Variants in SETD5 observed in about 807,000 individuals in gnomAD.
SETD5 encodes the protein histone-lysine N-methyltransferase SETD5.
In SETD5, 44 loss-of-function variants were observed where a neutral mutation model predicts 153.3. That is an observed-to-expected ratio of 0.29 (90% CI 0.23 to 0.37). The LOEUF (loss-of-function observed/expected upper bound fraction) is 0.37. Among genes scored for constraint, SETD5 ranks in the 10% least tolerant of loss-of-function variants. The pLI is 1.00. For synonymous variants in SETD5, 716 were observed against 645.2 expected (o/e 1.11, Z -1.66); for missense variants, 1,544 against 1,768.0 (o/e 0.87, Z 2.27).
At chr3:9,458,753 A>G (rs966472226) in intron 17 of SETD5, among the ~76,000 whole-genome samples, 1 of 152,248 alleles carries the variant, frequency 6.6e-6, no homozygotes, top group Admixed American at 6.5e-5. Context: ...GCAATCTGAT[A>G]AAATTTATCA....
chr3:9,450,221 G>A (rs771108329), intron 16 of SETD5, among the ~76,000 whole-genome samples: 4 of 151,906 alleles, frequency 2.6e-5, no homozygotes, highest in Non-Finnish European at 5.9e-5. Flanking sequence ...AAATTTCTAC[G>A]GGCAACAGAT....
In SETD5 at chr3:9,441,598, G is replaced by A; in HGVS notation, c.816G>A (p.Gln272=). ...NTVIGSQMQL[Q]LGRVTRVQKH... is the part of the protein sequence containing the mutation. ...ATTGCTCTGGTTTTATTCAGTTACAGCTGGGAAGAGTCACTCGTGTTCAAA... is the reference window on the plus strand; with the variant it reads ...ATTGCTCTGGTTTTATTCAGTTACAACTGGGAAGAGTCACTCGTGTTCAAA... The change falls in exon 9 of 23, where the codon CAG becomes CAA. Residue 272 remains glutamine (Q), a synonymous_variant. Transcript: ENST00000402198. 6.2e-7 allele frequency: 1 copy of A among 1,613,826 alleles called. No homozygotes were observed. Among genetic ancestry groups the A allele is most frequent in the Non-Finnish European group, 8.5e-7 (1 of 1,179,760 alleles).
At chr3:9,408,071 C>T (rs181901482) in intron 1 of SETD5, among the ~76,000 whole-genome samples, 4 of 152,188 alleles carry the variant, frequency 2.6e-5, no homozygotes, top group Non-Finnish European at 5.9e-5. Context: ...CTGGTTTATA[C>T]CTGCTATCCT....
chr3:9,422,639 A>G (rs538455656), intron 1 of SETD5, among the ~76,000 whole-genome samples: 1 of 152,364 alleles, frequency 6.6e-6, no homozygotes, highest in African/African-American at 2.4e-5. Flanking sequence ...CAGCCTAAGG[A>G]ATTAAAAGAA....
chr3:9,402,504 C>T (rs1181435663), intron 1 of SETD5, among the ~76,000 whole-genome samples: 1 of 152,132 alleles, frequency 6.6e-6, no homozygotes, highest in African/African-American at 2.4e-5. Context: ...TTTTCTGCTT[C>T]TTGGAGTAAT....
intron 18 of SETD5, 43 bp downstream of exon 18, chr3:9,464,715 A>T: frequency 1.2e-6 from 2 of 1,613,628 alleles, no homozygotes; most frequent in Non-Finnish European, 1.7e-6. Flanking sequence ...TATGAAAATC[A>T]TCATTTGTAC....
chr3:9,399,398 CAG>C lies in SETD5; in HGVS notation c.-177+1424_-177+1425del, dbSNP rs559499282. On this transcript the variant is annotated intron_variant, in intron 1 of 22. Transcript: ENST00000402198. ...CTAAAGCAGAGAATACCCACGTAAT[CAG>C]AGGTTTCTGGGCTCCATAGAGGACG... is the stretch of plus-strand genomic sequence containing the variant. Among the ~76,000 whole-genome samples the C allele has an allele frequency of 1.2e-3, 178 of 151,874 alleles. 1 individual carries two copies. Among genetic ancestry groups the C allele is most frequent in the Middle Eastern group, 3.5e-3 (1 of 286 alleles).
At chr3:9,413,720 T>G (rs2036976476) in intron 1 of SETD5, among the ~76,000 whole-genome samples, 1 of 151,556 alleles carries the variant, frequency 6.6e-6, no homozygotes, top group African/African-American at 2.4e-5. Context: ...AATTGGCCTC[T>G]TCCAGCAAAG....
intron 3 of SETD5, chr3:9,430,092 C>T (rs1429038280): frequency 2.9e-6 from 3 of 1,051,992 alleles, no homozygotes; most frequent in Non-Finnish European, 2.3e-6. Flanking sequence ...TTGCCATTTT[C>T]ACAGTCCCTG....
At chr3:9,437,522 CGTGTGTGTGTGT>C (rs6147703) in intron 7 of SETD5, among the ~76,000 whole-genome samples, 4 of 145,026 alleles carry the variant, frequency 2.8e-5, no homozygotes, top group African/African-American at 7.8e-5. Context: ...TCCTCCTTTA[CGTGTGTGTGTGT>C]GTGTGTGTGT....
At chr3:9,468,713 G>A in intron 18 of SETD5, 1 of 571,978 alleles carries the variant, frequency 1.7e-6, no homozygotes, top group African/African-American at 1.9e-5. Context: ...GTCACAGTAA[G>A]TTGAATGAGT....
In SETD5 at chr3:9,445,492, C is replaced by T. The variant is rs1575452020; in HGVS notation, c.1441-165C>T. On this transcript the variant is annotated intron_variant, in intron 12 of 22. Transcript: ENST00000402198. Reference sequence around the variant, plus strand: ...AAAACATCCTTTGCTGGTTTTGCACCAGAGAATAGGGGTTAGTTATCATCT... The same window carrying T: ...AAAACATCCTTTGCTGGTTTTGCACTAGAGAATAGGGGTTAGTTATCATCT... 3.1e-5 allele frequency: 27 copies of T among 883,040 alleles called. No individual in the cohort carries two copies. The East Asian group carries it at 6.9e-4, about 23-fold the overall frequency. 54.7% of individuals were successfully genotyped at this position (883,040 alleles called of 1,614,324 possible). A position where few individuals can be genotyped will look rare whatever the true frequency, so the allele number is the denominator to read the frequency against.
chr3:9,432,780 A>G (rs922161631), intron 3 of SETD5, among the ~76,000 whole-genome samples: 4 of 152,218 alleles, frequency 2.6e-5, no homozygotes, highest in Admixed American at 6.5e-5. Flanking sequence ...GTATAATTCT[A>G]CAATAATACA....
chr3:9,406,736 G>A lies in SETD5; in HGVS notation c.-177+8759G>A, dbSNP rs114397586. 2.0e-3 allele frequency among the ~76,000 whole-genome samples: 298 copies of A among 152,130 alleles called. 4 individuals carry two copies. Among genetic ancestry groups the A allele is most frequent in the African/African-American group, 6.8e-3 (283 of 41,480 alleles). ...TTGTGGCAAATAGAACTTTAATGTC[G>A]TAATTTAGTAATAGAACAAAATAAG... On this transcript the variant is annotated intron_variant, in intron 1 of 22. Transcript: ENST00000402198.
chr3:9,428,697 A>G (rs947874286), intron 2 of SETD5, 126 bp from the exon 3 acceptor site: 2 of 295,858 alleles, frequency 6.8e-6, no homozygotes, highest in South Asian at 7.2e-5. Flanking sequence ...TATTTATTTT[A>G]TAATTATCCC....
At chr3:9,474,983 C>T (rs749756553) in intron 21 of SETD5, 85 bp from the exon 22 acceptor site, 2 of 1,215,842 alleles carry the variant, frequency 1.6e-6, no homozygotes, top group Non-Finnish European at 2.3e-6. Context: ...TTGGTGATGG[C>T]ACTGGTGATT....
intron 18 of SETD5, among the ~76,000 whole-genome samples, chr3:9,467,480 G>A (rs950590381): frequency 4.0e-5 from 6 of 151,852 alleles, no homozygotes; most frequent in Non-Finnish European, 8.8e-5. Flanking sequence ...TACTCCACCC[G>A]CCATTTCACA....
At chr3:9,416,623 A>G (rs11922615) in intron 1 of SETD5, among the ~76,000 whole-genome samples, 12,144 of 152,194 alleles carry the variant, frequency 0.08, 1,630 homozygotes, top group African/African-American at 0.28. Context: ...TGAATTGCAT[A>G]AGCTTCTTGT....
In SETD5 at chr3:9,473,212, G is replaced by T. The variant is rs768648060; in HGVS notation, c.3196-24G>T. On this transcript the variant is annotated intron_variant, in intron 19 of 22. Coordinates refer to ENST00000402198, the MANE Select transcript of SETD5 (RefSeq NM_001080517.3). ...ATATCCAGATAGAGTACCGTTTTTT[G>T]TTTGTTTGTTTTTTCCTTTCTAGGT... 1.2e-4 allele frequency: 187 copies of T among 1,593,400 alleles called. No individual in the cohort carries two copies. The Admixed American group carries it at 1.3e-3, about 11-fold the overall frequency.
Sources: allele counts gnomAD v4.1 joint callset (sites outside exome capture counted in the v4.1 genomes callset), GRCh38; gene constraint gnomAD v4.1.1; transcripts MANE v1.5; gene names NCBI Gene and HGNC (gene_info 2026-07-23, HGNC 2026-07-21).